ARHGAP6: variants seen among roughly 807,000 people sequenced by gnomAD.
ARHGAP6 encodes the protein rho GTPase-activating protein 6.
Under a neutral mutation model 55.7 loss-of-function variants are expected in ARHGAP6, and 16 were observed. The ratio of observed to expected loss-of-function variants is 0.29; its 90% CI spans 0.19 to 0.44. ARHGAP6 has a LOEUF of 0.44. ARHGAP6 is among the 20% of genes least tolerant of loss of function. The probability of loss-of-function intolerance (pLI) is 1.00; values close to 1 mark genes in which losing one functional copy is unlikely to be tolerated. For missense variants in ARHGAP6, 698 were observed against 808.9 expected (o/e 0.86, Z 1.66); for synonymous variants, 382 against 360.9 (o/e 1.06, Z -0.66).
intron 11 of ARHGAP6, chrX:11,143,199 A>C (rs1264183867): frequency 8.9e-6 from 1 of 112,208 alleles, no homozygotes; most frequent in African/African-American, 3.2e-5. Context: ...CGTGTTCAGC[A>C]GTTCACATGC....
Position 11,558,696 on chromosome X carries a change from A to C in ARHGAP6, c.588+105545T>G, listed in dbSNP as rs145830320. Among the ~76,000 whole-genome samples the C allele has an allele frequency of 5.4e-3, 577 of 107,311 alleles. 2 individuals carry two copies. Among genetic ancestry groups the C allele is most frequent in the African/African-American group, 0.019 (551 of 29,469 alleles). 93.2% of individuals were successfully genotyped at this position (107,311 alleles called of 115,157 possible). ...ACTAAAAATACAAAAATTAGCTGGG[A>C]GTAGTGGTGGACGCTTGTAATCTCA... is the stretch of plus-strand genomic sequence containing the variant. On this transcript the variant is annotated intron_variant, in intron 1 of 12. Transcript: ENST00000337414.
At chrX:11,629,030 C>T (rs1400402482) in intron 1 of ARHGAP6, among the ~76,000 whole-genome samples, 1 of 109,632 alleles carries the variant, frequency 9.1e-6, no homozygotes, top group Non-Finnish European at 1.9e-5. Flanking sequence ...TATACACGAG[C>T]TAGAGCTCGA....
At chrX:11,617,448 T>C (rs982051544) in intron 1 of ARHGAP6, among the ~76,000 whole-genome samples, 1 of 111,911 alleles carries the variant, frequency 8.9e-6, no homozygotes, top group African/African-American at 3.2e-5. Flanking sequence ...CCCAATTTCA[T>C]ACGCATTTGT....
At chrX:11,548,128 G>A (rs1291589952) in intron 1 of ARHGAP6, among the ~76,000 whole-genome samples, 6 of 111,546 alleles carry the variant, frequency 5.4e-5, no homozygotes, top group Admixed American at 9.5e-5. Flanking sequence ...TTTTCCTTTT[G>A]TGTTTAGTTG....
At chrX:11,643,901 A>G (rs1019984302) in intron 1 of ARHGAP6, among the ~76,000 whole-genome samples, 6 of 111,319 alleles carry the variant, frequency 5.4e-5, no homozygotes, top group Non-Finnish European at 9.4e-5. Flanking sequence ...CCCCAACAAC[A>G]TGCTAGCTGA....
chrX:11,368,328 G>A (rs2049107019), intron 1 of ARHGAP6, among the ~76,000 whole-genome samples: 1 of 112,061 alleles, frequency 8.9e-6, no homozygotes, highest in Non-Finnish European at 1.9e-5. Flanking sequence ...ACAGCTCAGG[G>A]TGAACAAAGC....
intron 1 of ARHGAP6, among the ~76,000 whole-genome samples, chrX:11,438,351 C>A (rs1358090044): frequency 8.9e-6 from 1 of 112,631 alleles, no homozygotes; most frequent in Non-Finnish European, 1.9e-5. Flanking sequence ...AATAGGCCTA[C>A]GATGCTAATT....
chrX:11,358,718 G>A (rs933521854), intron 1 of ARHGAP6, among the ~76,000 whole-genome samples: 2 of 110,732 alleles, frequency 1.8e-5, no homozygotes, highest in Non-Finnish European at 1.9e-5. Context: ...CCAACTTCAG[G>A]TGATCCGTCC....
intron 1 of ARHGAP6, among the ~76,000 whole-genome samples, chrX:11,377,208 T>G (rs775356024): frequency 8.9e-6 from 1 of 112,277 alleles, no homozygotes; most frequent in South Asian, 3.7e-4. Flanking sequence ...GTGCCCAGCA[T>G]AGTGCTTGGC....
At chrX:11,573,120 T>C (rs1426682297) in intron 1 of ARHGAP6, among the ~76,000 whole-genome samples, 1 of 111,621 alleles carries the variant, frequency 9.0e-6, no homozygotes, top group Non-Finnish European at 1.9e-5. Flanking sequence ...GAAAATGTTC[T>C]ACCATTTTGT....
chrX:11,531,029 C>T (rs767633434), intron 1 of ARHGAP6, among the ~76,000 whole-genome samples: 5 of 112,040 alleles, frequency 4.5e-5, no homozygotes, highest in Non-Finnish European at 7.5e-5. Context: ...CACTGCAACA[C>T]GTTAAGGCTT....
intron 1 of ARHGAP6, among the ~76,000 whole-genome samples, chrX:11,480,484 G>A (rs762633970): frequency 1.3e-4 from 14 of 110,861 alleles, no homozygotes; most frequent in African/African-American, 4.6e-4. Context: ...GCTGGCTAAT[G>A]GATATGGAGT....
chrX:11,611,976 T>G (rs912058424), intron 1 of ARHGAP6, among the ~76,000 whole-genome samples: 2 of 110,126 alleles, frequency 1.8e-5, no homozygotes, highest in Non-Finnish European at 3.8e-5. Context: ...AGATGGAGAC[T>G]AATCAACCAA....
chrX:11,433,752 T>C (rs2049962030), intron 1 of ARHGAP6, among the ~76,000 whole-genome samples: 1 of 112,447 alleles, frequency 8.9e-6, no homozygotes, highest in African/African-American at 3.2e-5. Context: ...AGCACCTACA[T>C]CACAGGCTCA....
chrX:11,401,296 C>A (rs1260652774), intron 1 of ARHGAP6, among the ~76,000 whole-genome samples: 1 of 111,862 alleles, frequency 8.9e-6, no homozygotes, highest in Non-Finnish European at 1.9e-5. Flanking sequence ...TATGTCCAAC[C>A]AGCTCATGAC....
intron 1 of ARHGAP6, among the ~76,000 whole-genome samples, chrX:11,661,998 C>G (rs1204270871): frequency 8.9e-6 from 1 of 112,156 alleles, no homozygotes; most frequent in African/African-American, 3.2e-5. Flanking sequence ...CATTCAGCTT[C>G]AAATGTCAAT....
At chrX:11,182,632 TTTC>T (rs1448506452) in intron 5 of ARHGAP6, among the ~76,000 whole-genome samples, 1 of 105,675 alleles carries the variant, frequency 9.5e-6, no homozygotes, top group African/African-American at 3.5e-5. Flanking sequence ...TTTTTCCTTT[TTTC>T]TTTTTTTTTT....
At chrX:11,420,252 C>A in intron 1 of ARHGAP6, among the ~76,000 whole-genome samples, 2 of 111,934 alleles carry the variant, frequency 1.8e-5, no homozygotes, top group South Asian at 7.6e-4. Context: ...ACTGGATCTA[C>A]CTTTACGTTT....
At chrX:11,247,735 C>T (rs962404910) in intron 2 of ARHGAP6, among the ~76,000 whole-genome samples, 5 of 112,210 alleles carry the variant, frequency 4.5e-5, no homozygotes, top group African/African-American at 1.6e-4. Flanking sequence ...ACTTGATATA[C>T]AAAAAGTGCT....
Sources: gnomAD v4.1 joint callset for allele counts (sites outside exome capture counted in the v4.1 genomes callset) on GRCh38, gnomAD v4.1.1 for gene constraint, MANE v1.5 for transcripts, NCBI Gene and HGNC (gene_info 2026-07-23, HGNC 2026-07-21) for gene names.